UNC5C: variants seen among roughly 807,000 people sequenced by gnomAD.
The protein encoded by UNC5C is netrin receptor UNC5C.
A neutral mutation model predicts 99.8 loss-of-function variants in UNC5C; 47 were observed. The observed-to-expected ratio is 0.47, with a 90% CI of 0.37 to 0.60. The LOEUF is 0.60. UNC5C is among the 20% of genes least tolerant of loss of function. UNC5C has a pLI of 0.00. For missense variants in UNC5C, 1,062 were observed against 1,165.9 expected (o/e 0.91, Z 1.30); for synonymous variants, 487 against 452.2 (o/e 1.08, Z -0.98).
In UNC5C at chr4:95,176,836, C is replaced by A. The variant is rs554909408; in HGVS notation, c.2451+6061G>T. The stretch of plus-strand genomic sequence containing the variant: ...CTGGGCAATGGCGGGGGCCCCTCCC[C>A]CAGCCTCGCTGCCGCCTTGCAGTTT... On this transcript the variant is annotated intron_variant, in intron 14 of 15. Transcript: ENST00000453304. Among the ~76,000 whole-genome samples, 6 of 152,352 alleles carry A rather than the reference C, an allele frequency of 3.9e-5. No homozygotes were observed. In the South Asian group the frequency reaches 1.2e-3, roughly 32 times the overall value.
chr4:95,465,091 A>G (rs1747732843), intron 1 of UNC5C, among the ~76,000 whole-genome samples: 1 of 152,176 alleles, frequency 6.6e-6, no homozygotes, highest in Non-Finnish European at 1.5e-5. Context: ...GTGTCATAAA[A>G]AGCCTCACTA....
intron 2 of UNC5C, among the ~76,000 whole-genome samples, chr4:95,320,332 G>A (rs892067127): frequency 6.7e-6 from 1 of 149,774 alleles, no homozygotes; most frequent in African/African-American, 2.5e-5. Flanking sequence ...TGAGGCAGGA[G>A]GATTGCTTGA....
chr4:95,210,449 A>T (rs1391300537), intron 10 of UNC5C, among the ~76,000 whole-genome samples: 1 of 152,218 alleles, frequency 6.6e-6, no homozygotes, highest in Non-Finnish European at 1.5e-5. Flanking sequence ...TGTGTAACAC[A>T]TTTCCTTTAT....
rs1409054750 is a variant in UNC5C at position 95,167,398 on chromosome 4, A to C, written c.*1836T>G. 1 of 152,212 alleles carries C rather than the reference A, an allele frequency of 6.6e-6. No homozygotes were observed. The highest frequency in any genetic ancestry group is 2.4e-5 in the African/African-American group (1 of 41,444). The allele number at this position is 152,212 out of a possible 1,614,324, so 9.4% of individuals were successfully genotyped here. A position where few individuals can be genotyped will look rare whatever the true frequency, so the allele number is the denominator to read the frequency against. On this transcript the variant is annotated 3_prime_UTR_variant, in exon 16 of 16. Coordinates refer to ENST00000453304, the MANE Select transcript of UNC5C (RefSeq NM_003728.4). The stretch of plus-strand genomic sequence containing the variant: ...TACACAAAGTAGTGTGTTGACTAAC[A>C]AACATTTTGCAGGACAAAAGTTTTT...
intron 12 of UNC5C, among the ~76,000 whole-genome samples, chr4:95,191,677 C>G (rs1480766292): frequency 6.6e-6 from 1 of 150,916 alleles, no homozygotes; most frequent in African/African-American, 2.4e-5. Flanking sequence ...TCTGTTCACT[C>G]TCCTCCCCAA....
At chr4:95,302,963 C>A (rs1038166850) in intron 2 of UNC5C, among the ~76,000 whole-genome samples, 1 of 152,010 alleles carries the variant, frequency 6.6e-6, no homozygotes, top group Admixed American at 6.6e-5. Context: ...TGTGAGTAAT[C>A]AGGGAACCCA....
intron 10 of UNC5C, among the ~76,000 whole-genome samples, chr4:95,214,706 A>G (rs1738189528): frequency 6.6e-6 from 1 of 152,244 alleles, no homozygotes; most frequent in Non-Finnish European, 1.5e-5. Flanking sequence ...GCACAAGCCA[A>G]TACTTATTTC....
chr4:95,290,691 T>G (rs1308128787), intron 3 of UNC5C, among the ~76,000 whole-genome samples: 1 of 152,172 alleles, frequency 6.6e-6, no homozygotes, highest in South Asian at 2.1e-4. Context: ...AGTAAGCATA[T>G]AATAAATGTT....
intron 2 of UNC5C, among the ~76,000 whole-genome samples, chr4:95,330,747 G>T (rs1743079796): frequency 6.6e-6 from 1 of 151,926 alleles, no homozygotes; most frequent in South Asian, 2.1e-4. Context: ...AATGGCACTG[G>T]CTAGTAGATT....
At chr4:95,369,173 A>G (rs537664169) in intron 1 of UNC5C, among the ~76,000 whole-genome samples, 109 of 137,398 alleles carry the variant, frequency 7.9e-4, no homozygotes, top group Non-Finnish European at 1.4e-3. Flanking sequence ...GTGTATTTTT[A>G]TGTATACTTT....
intron 1 of UNC5C, among the ~76,000 whole-genome samples, chr4:95,408,816 TC>T (rs1199247401): frequency 6.6e-6 from 1 of 152,176 alleles, no homozygotes; most frequent in African/African-American, 2.4e-5. Flanking sequence ...ATAAGGGTGA[TC>T]TACAGCATGT....
At chr4:95,518,942 C>A (rs1344089950) in intron 1 of UNC5C, among the ~76,000 whole-genome samples, 2 of 151,998 alleles carry the variant, frequency 1.3e-5, no homozygotes, top group African/African-American at 4.8e-5. Context: ...CCCAAAGTGT[C>A]TTATTTGAAT....
intron 4 of UNC5C, 46 bp downstream of exon 4, chr4:95,278,213 A>G (rs1427202840): frequency 6.7e-6 from 10 of 1,496,700 alleles, no homozygotes; most frequent in Non-Finnish European, 9.3e-6. Flanking sequence ...CTCTGTTAGA[A>G]TAACTTAGTG....
At chr4:95,386,983 A>G (rs185000252) in intron 1 of UNC5C, among the ~76,000 whole-genome samples, 2 of 152,306 alleles carry the variant, frequency 1.3e-5, no homozygotes, top group Admixed American at 6.5e-5. Context: ...TGTTTATTCT[A>G]AAGTCTGGTC....
chr4:95,258,197 A>G (rs1260510619), intron 4 of UNC5C, among the ~76,000 whole-genome samples: 1 of 152,250 alleles, frequency 6.6e-6, no homozygotes, highest in East Asian at 1.9e-4. Flanking sequence ...TGCATTGAAT[A>G]GTATGTAGTT....
intron 1 of UNC5C, among the ~76,000 whole-genome samples, 178 bp downstream of exon 1, chr4:95,548,556 T>A (rs1481186223): frequency 6.6e-6 from 1 of 151,498 alleles, no homozygotes; most frequent in African/African-American, 2.4e-5. Context: ...ATAATAATAA[T>A]AATTATTATT....
intron 1 of UNC5C, among the ~76,000 whole-genome samples, chr4:95,391,600 T>G (rs1579378522): frequency 6.6e-6 from 1 of 152,092 alleles, no homozygotes; most frequent in East Asian, 1.9e-4. Flanking sequence ...ATACCACATT[T>G]TATATGTGAA....
chr4:95,481,704 G>T (rs535792041), intron 1 of UNC5C, among the ~76,000 whole-genome samples: 1 of 151,932 alleles, frequency 6.6e-6, no homozygotes, highest in Non-Finnish European at 1.5e-5. Context: ...AAATAACGCC[G>T]CATATCTACA....
chr4:95,342,818 C>T (rs557719337), intron 1 of UNC5C, among the ~76,000 whole-genome samples: 14 of 151,724 alleles, frequency 9.2e-5, no homozygotes, highest in Non-Finnish European at 1.3e-4. Flanking sequence ...GAAGAGTCAC[C>T]ACAAGCTGAC....
Sources: allele counts gnomAD v4.1 joint callset (sites outside exome capture counted in the v4.1 genomes callset), GRCh38; gene constraint gnomAD v4.1.1; transcripts MANE v1.5; gene names NCBI Gene and HGNC (gene_info 2026-07-23, HGNC 2026-07-21).